The following NGEF variants were observed in gnomAD, a reference collection of about 807,000 sequenced individuals.
NGEF encodes ephexin-1.
NGEF carries 31 observed loss-of-function variants against 80.9 expected under a neutral mutation model. The observed-to-expected ratio is 0.38, with a 90% CI of 0.29 to 0.52. The LOEUF (loss-of-function observed/expected upper bound fraction) is 0.52. Among genes scored for constraint, NGEF ranks in the 20% least tolerant of loss-of-function variants. NGEF has a pLI of 0.84. For missense variants in NGEF, 709 were observed against 926.2 expected, an observed-to-expected ratio of 0.77 and a Z score of 3.04; for synonymous variants, 371 against 370.2, an observed-to-expected ratio of 1.00 and a Z score of -0.03.
In NGEF at chr2:232,999,166, T is replaced by C. The variant is rs1289018048; in HGVS notation, c.-75+13902A>G. ...CAGGGATTAAATGAGATTATGATGA[T>C]GGGCATGGCAGACACTCACCATGGC... On this transcript the variant is annotated intron_variant, in intron 1 of 14. Coordinates refer to ENST00000264051, the MANE Select transcript of NGEF (RefSeq NM_019850.3). 2.0e-5 allele frequency among the ~76,000 whole-genome samples: 3 copies of C among 152,158 alleles called. No individual in the cohort carries two copies. In the East Asian group the frequency reaches 5.8e-4, roughly 29 times the overall value.
intron 3 of NGEF, chr2:232,927,877 A>C: frequency 7.9e-7 from 1 of 1,267,152 alleles, no homozygotes; most frequent in Non-Finnish European, 9.9e-7. Context: ...GGGCCGGGAC[A>C]GGCGCCCGTC....
chr2:232,979,638 G>C (rs1447274022), intron 1 of NGEF, among the ~76,000 whole-genome samples: 4 of 152,108 alleles, frequency 2.6e-5, no homozygotes, highest in African/African-American at 9.7e-5. Flanking sequence ...GGGGGAGCCT[G>C]GGGATAGCTT....
chr2:232,905,232 C>T (rs981576419), intron 5 of NGEF, among the ~76,000 whole-genome samples: 5 of 152,222 alleles, frequency 3.3e-5, no homozygotes, highest in South Asian at 2.1e-4. Context: ...CTGCCGAGTG[C>T]CTGCGATTGC....
At chr2:232,941,198 G>C (rs536717255) in intron 3 of NGEF, among the ~76,000 whole-genome samples, 1 of 152,296 alleles carries the variant, frequency 6.6e-6, no homozygotes, top group African/African-American at 2.4e-5. Context: ...AGATGAGCCA[G>C]TTTATTGATC....
At chr2:232,971,531 A>T (rs1260455814) in intron 2 of NGEF, among the ~76,000 whole-genome samples, 1 of 152,150 alleles carries the variant, frequency 6.6e-6, no homozygotes, top group Non-Finnish European at 1.5e-5. Context: ...CTAAAAATAC[A>T]AAAATTAGCC....
At chr2:232,929,957 C>T (rs1693185463) in intron 3 of NGEF, among the ~76,000 whole-genome samples, 1 of 152,096 alleles carries the variant, frequency 6.6e-6, no homozygotes, top group African/African-American at 2.4e-5. Context: ...AAGGGGAAAC[C>T]CCTTTTGCTT....
intron 5 of NGEF, among the ~76,000 whole-genome samples, chr2:232,895,922 A>G (rs1294451016): frequency 6.6e-6 from 1 of 152,192 alleles, no homozygotes; most frequent in Non-Finnish European, 1.5e-5. Context: ...ATAGCTGACT[A>G]GGATCTAACA....
At chr2:232,891,086 G>C in intron 8 of NGEF, 1 of 552,040 alleles carries the variant, frequency 1.8e-6, no homozygotes, top group Non-Finnish European at 3.6e-6. Context: ...ACTGGCAGTG[G>C]CCAGCCAGCC....
intron 4 of NGEF, among the ~76,000 whole-genome samples, chr2:232,923,979 G>C (rs146833099): frequency 6.6e-6 from 1 of 152,294 alleles, no homozygotes; most frequent in East Asian, 1.9e-4. Flanking sequence ...GCTCATGCCT[G>C]TAATCCCAGC....
chr2:233,008,812 T>C (rs1695142959), intron 1 of NGEF, among the ~76,000 whole-genome samples: 1 of 151,894 alleles, frequency 6.6e-6, no homozygotes, highest in Admixed American at 6.6e-5. Context: ...TTTTTTTTTT[T>C]CTTTTTTGAG....
At chr2:232,972,012 A>G (rs1010275812) in intron 2 of NGEF, among the ~76,000 whole-genome samples, 3 of 152,166 alleles carry the variant, frequency 2.0e-5, no homozygotes, top group African/African-American at 7.2e-5. Flanking sequence ...ACGTGTGACT[A>G]TTATGCACTT....
intron 3 of NGEF, chr2:232,928,044 G>A: frequency 8.5e-7 from 1 of 1,180,608 alleles, no homozygotes; most frequent in South Asian, 4.1e-5. Context: ...CGGGGGCCAC[G>A]CCGGGGCCCT....
chr2:232,891,305 C>T, intron 8 of NGEF, 53 bp downstream of exon 8: 1 of 1,605,870 alleles, frequency 6.2e-7, no homozygotes, highest in Non-Finnish European at 8.5e-7. Flanking sequence ...CCGGGAATGA[C>T]CACAGCAAAG....
Position 232,884,028 on chromosome 2 carries a change from G to A in NGEF, c.1554C>T (p.Tyr518=). 6.2e-7 allele frequency: 1 copy of A among 1,613,146 alleles called. No homozygotes were observed. Among genetic ancestry groups the A allele is most frequent in the South Asian group, 1.1e-5 (1 of 90,828 alleles). The change falls in exon 11 of 15, where the codon TAC becomes TAT. Residue 518 remains tyrosine (Y), a synonymous_variant. Coordinates refer to ENST00000264051, the MANE Select transcript of NGEF (RefSeq NM_019850.3). Reference sequence around the variant, plus strand: ...CCAGCAGGTCGTTGAACAGGAAGAGGTAAATTTCGTGGAAGAGCTTCTTGG... The same window carrying A: ...CCAGCAGGTCGTTGAACAGGAAGAGATAAATTTCGTGGAAGAGCTTCTTGG... ...LRTKKLFHEI[Y]LFLFNDLLVI...
chr2:232,970,044 T>A, intron 3 of NGEF, 170 bp downstream of exon 3: 1 of 404,104 alleles, frequency 2.5e-6, no homozygotes, highest in Admixed American at 4.7e-5. Flanking sequence ...AAACAAAAGT[T>A]TTTTTTAAAT....
intron 1 of NGEF, among the ~76,000 whole-genome samples, chr2:232,977,134 G>A (rs58578530): frequency 0.25 from 37,518 of 151,968 alleles, 5,166 homozygotes; most frequent in East Asian, 0.6. Flanking sequence ...CAATAAGAGC[G>A]AAACCGTTCT....
chr2:232,954,487 A>T (rs549680953), intron 3 of NGEF, among the ~76,000 whole-genome samples: 225 of 152,230 alleles, frequency 1.5e-3, no homozygotes, highest in Non-Finnish European at 2.7e-3. Flanking sequence ...GCATTTTGGG[A>T]GGCTGAGGCA....
intron 3 of NGEF, 118 bp downstream of exon 3, chr2:232,970,096 A>G (rs113984112): frequency 0.095 from 45,785 of 481,278 alleles, 2,912 homozygotes; most frequent in Middle Eastern, 0.18. Context: ...ACGGGCAACC[A>G]AAAGTTATTA....
intron 1 of NGEF, among the ~76,000 whole-genome samples, chr2:232,981,307 T>C (rs1415922857): frequency 6.6e-6 from 1 of 151,570 alleles, no homozygotes; most frequent in Non-Finnish European, 1.5e-5. Flanking sequence ...ACGGTTTGAC[T>C]CTGAAACAAA....
Sources: allele counts gnomAD v4.1 joint callset (sites outside exome capture counted in the v4.1 genomes callset), GRCh38; gene constraint gnomAD v4.1.1; transcripts MANE v1.5; gene names NCBI Gene and HGNC (gene_info 2026-07-23, HGNC 2026-07-21).